The following MMS22L variants were observed in gnomAD, a reference collection of about 807,000 sequenced individuals.
The protein encoded by MMS22L is protein MMS22-like.
In MMS22L, 74 loss-of-function variants were observed where a neutral mutation model predicts 159.1. The ratio of observed to expected loss-of-function variants is 0.47; its 90% CI spans 0.39 to 0.56. The LOEUF (loss-of-function observed/expected upper bound fraction) is 0.56, where lower values mean the gene tolerates loss of function less well. Among genes scored for constraint, MMS22L ranks in the 20% least tolerant of loss-of-function variants. The pLI is 0.00. For synonymous variants in MMS22L, 517 were observed against 506.9 expected (o/e 1.02, Z -0.27); for missense variants, 1,351 against 1,422.1 (o/e 0.95, Z 0.80).
intron 14 of MMS22L, among the ~76,000 whole-genome samples, chr6:97,216,797 A>T (rs1342944936): frequency 2.0e-5 from 3 of 152,256 alleles, no homozygotes; most frequent in Non-Finnish European, 4.4e-5. Context: ...TCACAGTGAC[A>T]TAAATAAGAT....
intron 11 of MMS22L, chr6:97,245,888 CACAT>C (rs71808609): frequency 0.1 from 11,393 of 113,278 alleles, 1,642 homozygotes; most frequent in South Asian, 0.17. Context: ...CACACACACA[CACAT>C]ATAAAGCAAT....
intron 10 of MMS22L, among the ~76,000 whole-genome samples, chr6:97,249,469 AGGG>A (rs1813010310): frequency 6.6e-6 from 1 of 152,306 alleles, no homozygotes; most frequent in Admixed American, 6.5e-5. Context: ...AGACAGTTTT[AGGG>A]ACTGTCCCCT....
intron 14 of MMS22L, among the ~76,000 whole-genome samples, chr6:97,206,560 A>G (rs1465930767): frequency 6.6e-6 from 1 of 152,178 alleles, no homozygotes; most frequent in Admixed American, 6.5e-5. Context: ...TACAGAAAAC[A>G]AAGAAATTCA....
chr6:97,183,925 G>A (rs568268969), intron 15 of MMS22L, among the ~76,000 whole-genome samples: 1 of 152,132 alleles, frequency 6.6e-6, no homozygotes, highest in African/African-American at 2.4e-5. Context: ...CTTCCTCTTT[G>A]ACCCCTCTAG....
chr6:97,157,134 T>C (rs938759657), intron 22 of MMS22L, among the ~76,000 whole-genome samples: 6 of 152,192 alleles, frequency 3.9e-5, no homozygotes, highest in Non-Finnish European at 5.9e-5. Flanking sequence ...GTTATTGGTG[T>C]ATAGGAATGC....
chr6:97,188,860 G>A (rs1805534850), intron 14 of MMS22L, among the ~76,000 whole-genome samples: 1 of 152,090 alleles, frequency 6.6e-6, no homozygotes, highest in African/African-American at 2.4e-5. Flanking sequence ...AACTCAGGAG[G>A]CTGAGGTAGG....
Position 97,173,234 on chromosome 6 carries a change from G to C in MMS22L, c.2680-12C>G. On this transcript the variant is annotated splice_polypyrimidine_tract_variant and intron_variant, in intron 18 of 24. Transcript: ENST00000683635. ...GTTACACCAACAGCCTATAAATAAA[G>C]AAAAACATTATTTAACTTCCCAAAG... 1.2e-6 allele frequency: 2 copies of C among 1,600,210 alleles called. No homozygotes were observed. Among genetic ancestry groups the C allele is most frequent in the Non-Finnish European group, 1.7e-6 (2 of 1,176,398 alleles).
chr6:97,149,430 T>C (rs1315297789), intron 24 of MMS22L, among the ~76,000 whole-genome samples: 1 of 152,174 alleles, frequency 6.6e-6, no homozygotes, highest in African/African-American at 2.4e-5. Flanking sequence ...GGGTCACTTA[T>C]TCACTAGATA....
At position 97,229,075 on chromosome 6, in the gene MMS22L, T is replaced by A. The variant is rs73494464; in HGVS notation, c.1858A>T (p.Ile620Phe). 2 of 1,613,888 alleles carry A rather than the reference T, an allele frequency of 1.2e-6. No homozygotes were observed. The highest frequency in any genetic ancestry group is 2.2e-5 in the South Asian group (2 of 91,074). Reference sequence around the variant, plus strand: ...ATGTATATGGAAAGAAGGGTCCAGATAGTCTGTCTCTGTACCATTTCCTCA... The same window carrying A: ...ATGTATATGGAAAGAAGGGTCCAGAAAGTCTGTCTCTGTACCATTTCCTCA... ...KNEEMVQRQT[I>F]WTLLSIYIDG... The change falls in exon 14 of 25, where the codon ATC becomes TTC. Residue 620 changes from isoleucine (I) to phenylalanine (F), a missense_variant. By Grantham distance (21) the Ile-to-Phe change is conservative (BLOSUM62 0). Transcript: ENST00000683635.
chr6:97,155,778 G>C (rs908490656), intron 22 of MMS22L, among the ~76,000 whole-genome samples: 1 of 152,138 alleles, frequency 6.6e-6, no homozygotes, highest in Non-Finnish European at 1.5e-5. Flanking sequence ...ATTGTAAACA[G>C]TACTGCAATA....
intron 18 of MMS22L, among the ~76,000 whole-genome samples, chr6:97,177,073 T>C (rs1215017463): frequency 1.3e-5 from 2 of 152,148 alleles, no homozygotes; most frequent in African/African-American, 2.4e-5. Flanking sequence ...TTCATATCCA[T>C]TCAGAAATCC....
At chr6:97,194,059 C>T (rs1042471821) in intron 14 of MMS22L, among the ~76,000 whole-genome samples, 2 of 149,308 alleles carry the variant, frequency 1.3e-5, no homozygotes, top group Non-Finnish European at 3.0e-5. Flanking sequence ...CCGTGCCTGG[C>T]CTCATTTGTT....
At chr6:97,163,754 T>C (rs1318576668) in intron 21 of MMS22L, among the ~76,000 whole-genome samples, 1 of 152,008 alleles carries the variant, frequency 6.6e-6, no homozygotes, top group East Asian at 1.9e-4. Context: ...TACACTGACA[T>C]ATCAGGTGTA....
rs188253861 is a variant in MMS22L, at chr6:97,145,406, T to C, written c.*1400A>G. ...AGATACTCCTTGAGCCAGAGAAGGG[T>C]TGAAATGTTTTCTTGAAGGAAGAGT... On this transcript the variant is annotated 3_prime_UTR_variant, in exon 25 of 25. Coordinates refer to ENST00000683635, the MANE Select transcript of MMS22L (RefSeq NM_001350599.2). 62 of 152,210 alleles carry C rather than the reference T, an allele frequency of 4.1e-4. No individual in the cohort carries two copies. Among genetic ancestry groups the C allele is most frequent in the Admixed American group, 1.3e-3 (20 of 15,284 alleles). The allele number at this position is 152,210 out of a possible 1,614,324, so 9.4% of individuals were successfully genotyped here.
chr6:97,170,730 C>T (rs942437087), intron 19 of MMS22L, among the ~76,000 whole-genome samples: 7 of 152,066 alleles, frequency 4.6e-5, no homozygotes, highest in Admixed American at 1.3e-4. Context: ...TTAAAAGCTG[C>T]GTACAGCGGC....
In MMS22L at chr6:97,255,178, A is replaced by C. The variant is rs551288920; in HGVS notation, c.943-445T>G. 4.6e-5 allele frequency among the ~76,000 whole-genome samples: 7 copies of C among 152,230 alleles called. No individual in the cohort carries two copies. In the East Asian group the frequency reaches 1.4e-3, roughly 29 times the overall value. On this transcript the variant is annotated intron_variant, in intron 9 of 24. Coordinates refer to ENST00000683635, the MANE Select transcript of MMS22L (RefSeq NM_001350599.2). Reference sequence around the variant, plus strand: ...ATATTAATGAAAACTGCCATAGCTTATTGCAATATTCCAGTATATGACTAT... The same window carrying C: ...ATATTAATGAAAACTGCCATAGCTTCTTGCAATATTCCAGTATATGACTAT...
chr6:97,275,753 C>T (rs1257257938), intron 4 of MMS22L, among the ~76,000 whole-genome samples: 3 of 152,172 alleles, frequency 2.0e-5, no homozygotes, highest in Non-Finnish European at 1.5e-5. Context: ...ACCTATAATG[C>T]TAGCACTTTA....
intron 3 of MMS22L, among the ~76,000 whole-genome samples, chr6:97,280,754 A>G (rs1816688659): frequency 1.3e-5 from 2 of 152,190 alleles, no homozygotes. Context: ...AGGAAATGTA[A>G]TAAAAAGTTG....
At chr6:97,205,179 G>A (rs372395771) in intron 14 of MMS22L, among the ~76,000 whole-genome samples, 3 of 151,482 alleles carry the variant, frequency 2.0e-5, no homozygotes, top group Non-Finnish European at 4.4e-5. Context: ...TCCTGACCTC[G>A]TGATCTGCCC....
Sources: allele counts gnomAD v4.1 joint callset (sites outside exome capture counted in the v4.1 genomes callset), GRCh38; gene constraint gnomAD v4.1.1; transcripts MANE v1.5; gene names NCBI Gene and HGNC (gene_info 2026-07-23, HGNC 2026-07-21).